Variants in TM9SF2 observed in about 807,000 individuals in gnomAD.
TM9SF2 encodes transmembrane 9 superfamily member 2.
A neutral mutation model predicts 84.9 loss-of-function variants in TM9SF2; 13 were observed. The observed-to-expected ratio is 0.15, with a 90% CI of 0.10 to 0.24. The LOEUF is 0.24. Ranked by LOEUF, TM9SF2 falls within the 10% of genes least tolerant of loss-of-function variation. TM9SF2 has a pLI of 1.00. For missense variants in TM9SF2, 562 were observed against 818.5 expected, an observed-to-expected ratio of 0.69 and a Z score of 3.82; for synonymous variants, 273 against 285.8, an observed-to-expected ratio of 0.96 and a Z score of 0.45.
chr13:99,552,696 AG>A (rs1326359178), intron 13 of TM9SF2, among the ~76,000 whole-genome samples: 3 of 152,154 alleles, frequency 2.0e-5, no homozygotes, highest in Admixed American at 6.5e-5. Flanking sequence ...CTCCACCTTC[AG>A]GGTTAAAGCG....
intron 6 of TM9SF2, 137 bp from the exon 7 acceptor site, chr13:99,539,305 ATATT>A (rs1227083587): frequency 9.6e-6 from 6 of 628,196 alleles, no homozygotes; most frequent in African/African-American, 5.4e-5. Flanking sequence ...TATGATGTAA[ATATT>A]TATGCTATTA....
At chr13:99,547,160 G>C (rs1009652194) in intron 11 of TM9SF2, 56 bp downstream of exon 11, 6 of 1,603,006 alleles carry the variant, frequency 3.7e-6, no homozygotes, top group Non-Finnish European at 5.1e-6. Flanking sequence ...TGCTGCGGCT[G>C]TGGATCTGAC....
At position 99,509,757 on chromosome 13, in the gene TM9SF2, G is replaced by A. The variant is rs181767891; in HGVS notation, c.172-7857G>A. ...GAAATACCTTTGAAGCCTTTTCCCCGTAGTCTTGGATATTAGCACTTGGCT... is the reference window on the plus strand; with the variant it reads ...GAAATACCTTTGAAGCCTTTTCCCCATAGTCTTGGATATTAGCACTTGGCT... On this transcript the variant is annotated intron_variant, in intron 1 of 16. Transcript: ENST00000376387. 6.6e-5 allele frequency among the ~76,000 whole-genome samples: 10 copies of A among 152,316 alleles called. No individual in the cohort carries two copies. The East Asian group carries it at 1.3e-3, about 21-fold the overall frequency.
At chr13:99,509,926 A>G in intron 1 of TM9SF2, among the ~76,000 whole-genome samples, 1 of 152,172 alleles carries the variant, frequency 6.6e-6, no homozygotes, top group East Asian at 1.9e-4. Context: ...CTGTTTAAAT[A>G]TAAATTCCAG....
chr13:99,528,478 AAC>A (rs530964607), intron 3 of TM9SF2, among the ~76,000 whole-genome samples: 3 of 152,214 alleles, frequency 2.0e-5, no homozygotes, highest in Admixed American at 2.0e-4. Context: ...TTCACAATTG[AAC>A]ACACAGGTTG....
chr13:99,553,404 CAG>C (rs979377611), intron 13 of TM9SF2, among the ~76,000 whole-genome samples: 3 of 152,136 alleles, frequency 2.0e-5, no homozygotes, highest in African/African-American at 7.2e-5. Context: ...AGTGAACTGA[CAG>C]GGTTTGAATT....
rs372230370 is a variant in TM9SF2, at chr13:99,541,667, G to A, written c.1017G>A (p.Thr339=). ...CTAGATATAATCAGATGGACTCTAC[G>A]GTAAGTGGAAACATTTTAGTCTTTA... ...DIARYNQMDS[T]EDAQEEFGWK... Residue 339 remains threonine, a splice_region_variant and synonymous_variant, in exon 9 of 17, where the codon ACG becomes ACA. Coordinates refer to ENST00000376387, the MANE Select transcript of TM9SF2 (RefSeq NM_004800.3). 3.0e-5 allele frequency: 48 copies of A among 1,596,032 alleles called. No individual in the cohort carries two copies. The highest frequency in any genetic ancestry group is 3.6e-5 in the Non-Finnish European group (42 of 1,167,554).
intron 12 of TM9SF2, among the ~76,000 whole-genome samples, chr13:99,549,581 C>T (rs1312605807): frequency 6.6e-6 from 1 of 152,160 alleles, no homozygotes; most frequent in Non-Finnish European, 1.5e-5. Context: ...CATATGTTTT[C>T]CCATTTTTAT....
At chr13:99,556,129 G>A (rs1276869168) in intron 15 of TM9SF2, among the ~76,000 whole-genome samples, 3 of 151,994 alleles carry the variant, frequency 2.0e-5, no homozygotes, top group Non-Finnish European at 4.4e-5. Context: ...TTATGTAATA[G>A]GTAGAATTGA....
chr13:99,533,908 A>G (rs1380955642), intron 4 of TM9SF2, among the ~76,000 whole-genome samples: 1 of 152,140 alleles, frequency 6.6e-6, no homozygotes, highest in Non-Finnish European at 1.5e-5. Context: ...TGACCTCTTG[A>G]TCTACCCACC....
chr13:99,519,950 T>A, intron 2 of TM9SF2, 86 bp from the exon 3 acceptor site: 1 of 1,161,148 alleles, frequency 8.6e-7, no homozygotes, highest in Non-Finnish European at 1.3e-6. Flanking sequence ...CAATGATCAG[T>A]ACCTAATCTG....
Position 99,509,791 on chromosome 13 carries a change from G to C in TM9SF2, c.172-7823G>C, listed in dbSNP as rs568093051. On this transcript the variant is annotated intron_variant, in intron 1 of 16. Coordinates refer to ENST00000376387, the MANE Select transcript of TM9SF2 (RefSeq NM_004800.3). ...GATATTAGCACTTGGCTCCCTTTTAGTTATGCAGATATCTGTAGCATGCGG... is the reference window on the plus strand; with the variant it reads ...GATATTAGCACTTGGCTCCCTTTTACTTATGCAGATATCTGTAGCATGCGG... Among the ~76,000 whole-genome samples, 16 of 152,312 alleles carry C rather than the reference G, an allele frequency of 1.1e-4. No individual in the cohort carries two copies. The South Asian group carries it at 3.3e-3, about 32-fold the overall frequency.
At chr13:99,562,580 G>A in intron 16 of TM9SF2, 111 bp from the exon 17 acceptor site, 1 of 947,538 alleles carries the variant, frequency 1.1e-6, no homozygotes, top group African/African-American at 1.6e-5. Context: ...GTGGGTAATA[G>A]TTTATAGTTT....
chr13:99,536,498 A>G, intron 4 of TM9SF2, 110 bp from the exon 5 acceptor site: 1 of 1,306,314 alleles, frequency 7.7e-7, no homozygotes, highest in South Asian at 1.4e-5. Flanking sequence ...TTGTAATCTT[A>G]AGGCATTTAC....
At chr13:99,523,628 A>G (rs1414254251) in intron 3 of TM9SF2, among the ~76,000 whole-genome samples, 1 of 152,218 alleles carries the variant, frequency 6.6e-6, no homozygotes, top group Non-Finnish European at 1.5e-5. Flanking sequence ...ATAAAATCTC[A>G]TCTCAGATCT....
At chr13:99,510,243 C>T (rs1237673243) in intron 1 of TM9SF2, among the ~76,000 whole-genome samples, 3 of 152,188 alleles carry the variant, frequency 2.0e-5, no homozygotes, top group African/African-American at 7.2e-5. Context: ...TAAACAGTCT[C>T]TTAAGAAGTT....
Position 99,541,981 on chromosome 13 carries a change from C to T in TM9SF2, c.1017+314C>T, listed in dbSNP as rs1005483810. Among the ~76,000 whole-genome samples the T allele has an allele frequency of 8.5e-5, 13 of 152,180 alleles. No homozygotes were observed. In the East Asian group the frequency reaches 2.5e-3, roughly 29 times the overall value. On this transcript the variant is annotated intron_variant, in intron 9 of 16. Transcript: ENST00000376387. Reference sequence around the variant, plus strand: ...CCTGACCAACATGGTGAAACCCCATCTCTCCTAAAAACACAAAAATTAGCT... The same window carrying T: ...CCTGACCAACATGGTGAAACCCCATTTCTCCTAAAAACACAAAAATTAGCT...
chr13:99,517,210 C>G (rs190297564), intron 1 of TM9SF2, among the ~76,000 whole-genome samples: 151 of 152,228 alleles, frequency 9.9e-4, no homozygotes, highest in Non-Finnish European at 1.6e-3. Flanking sequence ...AACTCCTGGG[C>G]TCAAGTGATC....
In TM9SF2 at chr13:99,521,813, C is replaced by T. The variant is rs529434741; in HGVS notation, c.333+1684C>T. The stretch of plus-strand genomic sequence containing the variant: ...CCTCAGACTCCTAGTCTCAAGTGAT[C>T]CTCCTGTCTCACTCCCCTGAGTGGC... On this transcript the variant is annotated intron_variant, in intron 3 of 16. Coordinates refer to ENST00000376387, the MANE Select transcript of TM9SF2 (RefSeq NM_004800.3). Among the ~76,000 whole-genome samples, 9 of 152,022 alleles carry T rather than the reference C, an allele frequency of 5.9e-5. No individual in the cohort carries two copies. The South Asian group carries it at 1.9e-3, about 32-fold the overall frequency.
Sources: allele counts gnomAD v4.1 joint callset (sites outside exome capture counted in the v4.1 genomes callset), GRCh38; gene constraint gnomAD v4.1.1; transcripts MANE v1.5; gene names NCBI Gene and HGNC (gene_info 2026-07-23, HGNC 2026-07-21).